Variants in PCSK6 observed in about 807,000 individuals in gnomAD.
PCSK6 encodes the protein paired basic amino acid cleaving enzyme 4.
Under a neutral mutation model 123.3 loss-of-function variants are expected in PCSK6, and 85 were observed. The observed-to-expected ratio is 0.69, with a 90% CI of 0.58 to 0.83. PCSK6 has a LOEUF of 0.83. Ranked by LOEUF, PCSK6 falls within the 40% of genes least tolerant of loss-of-function variation. The pLI, the probability that PCSK6 is intolerant of heterozygous loss-of-function variation, is 0.00. For synonymous variants in PCSK6, 508 were observed against 516.0 expected (o/e 0.98, Z 0.21); for missense variants, 1,191 against 1,282.3 (o/e 0.93, Z 1.09).
intron 15 of PCSK6, among the ~76,000 whole-genome samples, chr15:101,328,918 A>G (rs764255009): frequency 6.6e-5 from 10 of 151,984 alleles, no homozygotes; most frequent in Non-Finnish European, 1.5e-5. Context: ...GGTCCCAATC[A>G]CTCCACCGCC....
At chr15:101,471,713 C>T (rs2057608578) in intron 1 of PCSK6, among the ~76,000 whole-genome samples, 1 of 152,188 alleles carries the variant, frequency 6.6e-6, no homozygotes, top group Non-Finnish European at 1.5e-5. Context: ...AATGTACACA[C>T]TTGTATAACT....
chr15:101,475,002 C>A (rs117682534), intron 1 of PCSK6, among the ~76,000 whole-genome samples: 1 of 152,234 alleles, frequency 6.6e-6, no homozygotes, highest in East Asian at 1.9e-4. Context: ...AACACACCCC[C>A]ACTTCCCATT....
rs535211019 is a variant in PCSK6, at chr15:101,388,400, G to A, written c.1310+1064C>T. Reference sequence around the variant, plus strand: ...ATCTACAACAGATGACTACTGCAGAGGGCTGGTTTGTTCTCTGCCAGTTTT... The same window carrying A: ...ATCTACAACAGATGACTACTGCAGAAGGCTGGTTTGTTCTCTGCCAGTTTT... On this transcript the variant is annotated intron_variant, in intron 9 of 21. Coordinates refer to ENST00000611716, the MANE Select transcript of PCSK6 (RefSeq NM_002570.5). Among the ~76,000 whole-genome samples the A allele has an allele frequency of 2.0e-5, 3 of 152,290 alleles. No homozygotes were observed. In the East Asian group the frequency reaches 5.8e-4, roughly 29 times the overall value.
chr15:101,331,347 T>C lies in PCSK6; in HGVS notation c.2077+304A>G, dbSNP rs552243673. On this transcript the variant is annotated intron_variant, in intron 15 of 21. Transcript: ENST00000611716. ...GAGATCCTCTCTGGGTCTTTAACCC[T>C]AGGCCTCCAGGCTGGTCAGGATCTC... 8.9e-4 allele frequency among the ~76,000 whole-genome samples: 136 copies of C among 152,360 alleles called. 1 individual carries two copies. Among genetic ancestry groups the C allele is most frequent in the Non-Finnish European group, 3.1e-4 (21 of 68,034 alleles).
intron 1 of PCSK6, among the ~76,000 whole-genome samples, chr15:101,471,694 G>C (rs893396123): frequency 2.0e-5 from 3 of 152,196 alleles, no homozygotes; most frequent in African/African-American, 7.2e-5. Context: ...CATTTGTTGA[G>C]TTTGGATAAA....
intron 11 of PCSK6, among the ~76,000 whole-genome samples, chr15:101,377,242 G>C (rs2041775607): frequency 6.6e-6 from 1 of 152,134 alleles, no homozygotes; most frequent in South Asian, 2.1e-4. Context: ...GAAGCTCTGG[G>C]CAGCCAGGGT....
At chr15:101,429,356 C>T (rs1012606991) in intron 5 of PCSK6, among the ~76,000 whole-genome samples, 63 of 152,146 alleles carry the variant, frequency 4.1e-4, no homozygotes, top group African/African-American at 1.4e-3. Context: ...GACACAAAAA[C>T]GCCCACCATT....
At chr15:101,453,953 T>C (rs368866232) in intron 1 of PCSK6, among the ~76,000 whole-genome samples, 1 of 152,264 alleles carries the variant, frequency 6.6e-6, no homozygotes, top group African/African-American at 2.4e-5. Flanking sequence ...GCTGCTTACA[T>C]CATGGATCAG....
intron 15 of PCSK6, among the ~76,000 whole-genome samples, chr15:101,326,979 C>T (rs933900882): frequency 6.6e-6 from 1 of 152,128 alleles, no homozygotes; most frequent in African/African-American, 2.4e-5. Context: ...CCCCGCAACT[C>T]GCTGTGGTGG....
intron 6 of PCSK6, among the ~76,000 whole-genome samples, chr15:101,425,194 G>A (rs909209980): frequency 6.6e-6 from 1 of 152,176 alleles, no homozygotes; most frequent in Non-Finnish European, 1.5e-5. Context: ...CATAAAGATC[G>A]AGGACATGAG....
chr15:101,394,146 T>TC (rs1329180144), intron 7 of PCSK6, among the ~76,000 whole-genome samples: 1 of 149,032 alleles, frequency 6.7e-6, no homozygotes, highest in Non-Finnish European at 1.5e-5. Flanking sequence ...TGTTTTTTGT[T>TC]TTTTTTTTTT....
rs75748772 is a variant in PCSK6, at chr15:101,375,653, A to G, written c.1533-5130T>C. ...ATGTGTAGATGTGTGCAGAGTGGTA[A>G]CATAATGAGTCCCCCAACGAGCACA... On this transcript the variant is annotated intron_variant, in intron 11 of 21. Transcript: ENST00000611716. Among the ~76,000 whole-genome samples the G allele has an allele frequency of 8.6e-3, 1,312 of 152,312 alleles. 20 individuals carry two copies. Among genetic ancestry groups the G allele is most frequent in the African/African-American group, 0.03 (1,242 of 41,570 alleles).
At chr15:101,451,009 C>T (rs1005113125) in intron 1 of PCSK6, among the ~76,000 whole-genome samples, 3 of 151,360 alleles carry the variant, frequency 2.0e-5, no homozygotes, top group African/African-American at 7.3e-5. Context: ...GCTTGCAGGG[C>T]CACACAAGGG....
chr15:101,371,076 G>A (rs976017618), intron 11 of PCSK6, among the ~76,000 whole-genome samples: 7 of 152,282 alleles, frequency 4.6e-5, no homozygotes, highest in East Asian at 1.9e-4. Context: ...GCATGGTGGC[G>A]GGTGTCTGTA....
At chr15:101,455,247 G>A (rs2057148895) in intron 1 of PCSK6, among the ~76,000 whole-genome samples, 1 of 152,248 alleles carries the variant, frequency 6.6e-6, no homozygotes, top group Admixed American at 6.5e-5. Context: ...TATGGCTCCA[G>A]TGTACCAGCA....
intron 12 of PCSK6, among the ~76,000 whole-genome samples, chr15:101,368,476 G>A (rs565792670): frequency 6.6e-6 from 1 of 152,362 alleles, no homozygotes; most frequent in Admixed American, 6.5e-5. Flanking sequence ...GAGGCAAAGG[G>A]ACTGGCTCCT....
At chr15:101,307,527 C>A (rs2039754033) in intron 20 of PCSK6, 1 of 530,874 alleles carries the variant, frequency 1.9e-6, no homozygotes, top group South Asian at 2.3e-5. Flanking sequence ...CTCACTATTG[C>A]CCTGGGAGGG....
intron 1 of PCSK6, among the ~76,000 whole-genome samples, chr15:101,457,328 A>G (rs2057212671): frequency 6.6e-6 from 1 of 152,226 alleles, no homozygotes; most frequent in Non-Finnish European, 1.5e-5. Context: ...ATTTCTCTTC[A>G]GCTTCCCTTT....
chr15:101,384,184 A>G lies in PCSK6; in HGVS notation c.1414+138T>C, dbSNP rs1567179518. On this transcript the variant is annotated intron_variant, in intron 10 of 21. Coordinates refer to ENST00000611716, the MANE Select transcript of PCSK6 (RefSeq NM_002570.5). ...GGATACTTTTCTTAAATAGCTGCAC[A>G]TGCGTTTTAAATTCTTGTGACACAC... is the stretch of plus-strand genomic sequence containing the variant. 4 of 1,462,536 alleles carry G rather than the reference A, an allele frequency of 2.7e-6. No individual in the cohort carries two copies. The Admixed American group carries it at 7.3e-5, about 27-fold the overall frequency. The allele number at this position is 1,462,536 out of a possible 1,614,324, so 90.6% of individuals were successfully genotyped here.
Sources: gnomAD v4.1 joint callset for allele counts (sites outside exome capture counted in the v4.1 genomes callset) on GRCh38, gnomAD v4.1.1 for gene constraint, MANE v1.5 for transcripts, NCBI Gene and HGNC (gene_info 2026-07-23, HGNC 2026-07-21) for gene names.